The following PNISR variants were observed in gnomAD, a reference collection of about 807,000 sequenced individuals.
PNISR encodes the protein arginine/serine-rich protein PNISR.
In PNISR, 20 loss-of-function variants were observed where a neutral mutation model predicts 93.4. That is an observed-to-expected ratio of 0.21 (90% CI 0.15 to 0.31). The LOEUF (loss-of-function observed/expected upper bound fraction) is 0.31, where lower values mean the gene tolerates loss of function less well. Among genes scored for constraint, PNISR ranks in the 10% least tolerant of loss-of-function variants. PNISR has a pLI of 1.00. For missense variants in PNISR, 893 were observed against 985.4 expected (o/e 0.91, Z 1.25); for synonymous variants, 305 against 306.5 (o/e 0.99, Z 0.05).
intron 1 of PNISR, among the ~76,000 whole-genome samples, chr6:99,424,262 A>ACGG: frequency 6.6e-6 from 1 of 152,252 alleles, no homozygotes; most frequent in African/African-American, 2.4e-5. Flanking sequence ...GACCTTAGTT[A>ACGG]ATAATTTATC....
At chr6:99,405,067 C>A (rs977053095) in intron 8 of PNISR, among the ~76,000 whole-genome samples, 1 of 152,168 alleles carries the variant, frequency 6.6e-6, no homozygotes, top group African/African-American at 2.4e-5. Flanking sequence ...GCGTGAGCCA[C>A]CGTGCCCAGC....
intron 1 of PNISR, among the ~76,000 whole-genome samples, chr6:99,424,192 G>A (rs11154839): frequency 0.45 from 68,409 of 151,876 alleles, 16,119 homozygotes; most frequent in Middle Eastern, 0.63. Flanking sequence ...TATCCTAGCT[G>A]GCATCCTGGA....
chr6:99,403,666 CA>C (rs1410303406), intron 10 of PNISR, 162 bp downstream of exon 10: 15 of 466,722 alleles, frequency 3.2e-5, no homozygotes, highest in South Asian at 5.4e-5. Flanking sequence ...ATGCGTTAGT[CA>C]AAAAAATAGG....
Position 99,408,186 on chromosome 6 carries a change from T to C in PNISR, c.759A>G (p.Lys253=). The change falls in exon 7 of 12, where the codon AAA becomes AAG. Residue 253 remains lysine, a synonymous_variant. Transcript: ENST00000369239. The part of the protein sequence containing the change: ...MEREKQKKLE[K]ERMEQQRSQL... Reference sequence around the variant, plus strand: ...GTGAACGTTGTTGTTCCATTCTTTCTTTCTCCAATTTCTTCTGCTTTTCAC... The same window carrying C: ...GTGAACGTTGTTGTTCCATTCTTTCCTTCTCCAATTTCTTCTGCTTTTCAC... 6.2e-7 allele frequency: 1 copy of C among 1,613,636 alleles called. No individual in the cohort carries two copies. Among genetic ancestry groups the C allele is most frequent in the Non-Finnish European group, 8.5e-7 (1 of 1,179,590 alleles).
chr6:99,411,265 A>G (rs971112322), intron 4 of PNISR, among the ~76,000 whole-genome samples: 1 of 152,228 alleles, frequency 6.6e-6, no homozygotes, highest in Non-Finnish European at 1.5e-5. Flanking sequence ...TTTGTTTAGT[A>G]ACAACACCAC....
chr6:99,425,207 T>A lies in PNISR; in HGVS notation c.-112+8A>T. 8.1e-7 allele frequency: 1 copy of A among 1,231,108 alleles called. No individual in the cohort carries two copies. The highest frequency in any genetic ancestry group is 1.0e-6 in the Non-Finnish European group (1 of 987,006). 76.3% of individuals were successfully genotyped at this position (1,231,108 alleles called of 1,614,324 possible). A position where few individuals can be genotyped will look rare whatever the true frequency, so the allele number is the denominator to read the frequency against. The stretch of plus-strand genomic sequence containing the variant: ...AGTGCCCACGTATAATTGTTCTCCA[T>A]CACTTACCCACTCTAGTTCGGGAAC... On this transcript the variant is annotated splice_region_variant and intron_variant, in intron 1 of 11. Coordinates refer to ENST00000369239, the MANE Select transcript of PNISR (RefSeq NM_032870.4).
At position 99,412,539 on chromosome 6, in the gene PNISR, T is replaced by C. The variant is rs753958769; in HGVS notation, c.277+12A>G. 3 of 1,553,764 alleles carry C rather than the reference T, an allele frequency of 1.9e-6. No individual in the cohort carries two copies. Among genetic ancestry groups the C allele is most frequent in the Non-Finnish European group, 2.6e-6 (3 of 1,148,800 alleles). Reference sequence around the variant, plus strand: ...TAAAAGTCTTAAAATTGTGAAAACATAAACAACAAACCTGGTTGCCACATT... The same window carrying C: ...TAAAAGTCTTAAAATTGTGAAAACACAAACAACAAACCTGGTTGCCACATT... On this transcript the variant is annotated intron_variant, in intron 4 of 11. Coordinates refer to ENST00000369239, the MANE Select transcript of PNISR (RefSeq NM_032870.4).
At position 99,400,300 on chromosome 6, in the gene PNISR, G is replaced by A. The variant is rs1185268401; in HGVS notation, c.*240C>T. ...CATTCCTCAGCGTTTACGACGGGGAGGGGTTGTTGATCTGAAAAAAAAGGG... is the reference window on the plus strand; with the variant it reads ...CATTCCTCAGCGTTTACGACGGGGAAGGGTTGTTGATCTGAAAAAAAAGGG... On this transcript the variant is annotated 3_prime_UTR_variant, in exon 12 of 12. Coordinates refer to ENST00000369239, the MANE Select transcript of PNISR (RefSeq NM_032870.4). The A allele has an allele frequency of 9.4e-7, 1 of 1,060,622 alleles. No individual in the cohort carries two copies. Among genetic ancestry groups the A allele is most frequent in the Non-Finnish European group, 1.1e-6 (1 of 874,452 alleles). The allele number at this position is 1,060,622 out of a possible 1,614,324, so 65.7% of individuals were successfully genotyped here.
intron 8 of PNISR, 105 bp downstream of exon 8, chr6:99,405,926 T>C (rs1413623852): frequency 6.2e-6 from 4 of 649,296 alleles, no homozygotes; most frequent in Non-Finnish European, 1.0e-5. Flanking sequence ...CAATTAATAA[T>C]ACTGGTCAGC....
intron 5 of PNISR, chr6:99,410,162 C>A (rs919735230): frequency 5.3e-5 from 8 of 152,334 alleles, no homozygotes; most frequent in Admixed American, 5.2e-4. Context: ...TAAGGGTAGA[C>A]CCTGGCAGAG....
Position 99,404,622 on chromosome 6 carries a change from T to G in PNISR, c.1083A>C (p.Ala361=), listed in dbSNP as rs1220158032. 8 of 1,593,276 alleles carry G rather than the reference T, an allele frequency of 5.0e-6. No individual in the cohort carries two copies. The South Asian group carries it at 8.8e-5, about 18-fold the overall frequency. ...ATATACCTTTCGTTGCTTTGCGGTG[T>G]GCATCTTTGGCTACGTAATAAATTT... is the stretch of plus-strand genomic sequence containing the variant. ...DEEIYYVAKD[A]HRKATKAPAK... is the part of the protein sequence containing the mutation. The change falls in exon 9 of 12, where the codon GCA becomes GCC. Residue 361 remains alanine (A), a synonymous_variant. Transcript: ENST00000369239.
At chr6:99,416,454 G>A in intron 1 of PNISR, 26 bp from the exon 2 acceptor site, 1 of 782,336 alleles carries the variant, frequency 1.3e-6, no homozygotes, top group Non-Finnish European at 1.7e-6. Flanking sequence ...GTAGATGTCT[G>A]CTTATAGATT....
chr6:99,398,977 T>C lies in PNISR; in HGVS notation c.*1563A>G, dbSNP rs1268316600. 6.6e-6 allele frequency: 1 copy of C among 152,114 alleles called. No homozygotes were observed. Among genetic ancestry groups the C allele is most frequent in the African/African-American group, 2.4e-5 (1 of 41,458 alleles). 9.4% of individuals were successfully genotyped at this position (152,114 alleles called of 1,614,324 possible). ...ATGCATTTATTCACAGTTGATTTAT[T>C]TCCTTTAGATAAATGTGTAACTGCT... On this transcript the variant is annotated 3_prime_UTR_variant, in exon 12 of 12. Transcript: ENST00000369239.
chr6:99,401,687 A>G (rs1775519650), intron 11 of PNISR, 57 bp from the exon 12 acceptor site: 2 of 1,339,522 alleles, frequency 1.5e-6, no homozygotes, highest in South Asian at 3.2e-5. Flanking sequence ...TTCTCATACT[A>G]CCAAATGTCA....
chr6:99,405,286 G>A (rs1421497836), intron 8 of PNISR, among the ~76,000 whole-genome samples: 1 of 151,830 alleles, frequency 6.6e-6, no homozygotes, highest in Non-Finnish European at 1.5e-5. Context: ...ACAACATGGC[G>A]AAACCTTGTC....
chr6:99,413,255 C>T (rs568024810), intron 3 of PNISR, among the ~76,000 whole-genome samples: 86 of 152,284 alleles, frequency 5.6e-4, no homozygotes, highest in African/African-American at 2.0e-3. Flanking sequence ...ATAAGGCTCC[C>T]TTCTCTAGCC....
At chr6:99,406,506 A>G (rs968484780) in intron 7 of PNISR, among the ~76,000 whole-genome samples, 9 of 152,170 alleles carry the variant, frequency 5.9e-5, no homozygotes, top group African/African-American at 2.2e-4. Context: ...TGGGCCTGAA[A>G]TGAGACACTT....
At chr6:99,405,963 A>G (rs1485330856) in intron 8 of PNISR, 68 bp downstream of exon 8, 4 of 1,111,478 alleles carry the variant, frequency 3.6e-6, no homozygotes, top group Admixed American at 2.3e-5. Flanking sequence ...TTTTCCTCTA[A>G]TATTGTCTCC....
Position 99,405,411 on chromosome 6 carries a change from G to A in PNISR, c.1002+620C>T, listed in dbSNP as rs538147532. ...GAACTCAGGAGGCAGAGGTTGCAGT[G>A]AGCCAAGATCCTGCCATTGCACTCC... On this transcript the variant is annotated intron_variant, in intron 8 of 11. Transcript: ENST00000369239. Among the ~76,000 whole-genome samples the A allele has an allele frequency of 1.1e-3, 172 of 152,200 alleles. 1 individual carries two copies. The highest frequency in any genetic ancestry group is 3.9e-3 in the African/African-American group (163 of 41,528).
Sources: gnomAD v4.1 joint callset for allele counts (sites outside exome capture counted in the v4.1 genomes callset) on GRCh38, gnomAD v4.1.1 for gene constraint, MANE v1.5 for transcripts, NCBI Gene and HGNC (gene_info 2026-07-23, HGNC 2026-07-21) for gene names.